Variants in LRRC8D observed in about 807,000 individuals in gnomAD.
The protein encoded by LRRC8D is volume-regulated anion channel subunit LRRC8D.
In LRRC8D, 20 loss-of-function variants were observed where a neutral mutation model predicts 55.8. The observed-to-expected ratio is 0.36, with a 90% CI of 0.25 to 0.52. LRRC8D has a LOEUF of 0.52. LRRC8D is among the 20% of genes least tolerant of loss of function. The pLI is 0.93. For missense variants in LRRC8D, 651 were observed against 1,030.8 expected (o/e 0.63, Z 5.05); for synonymous variants, 352 against 377.0 (o/e 0.93, Z 0.77).
At chr1:89,878,363 G>A (rs12096415) in intron 2 of LRRC8D, among the ~76,000 whole-genome samples, 22,500 of 152,184 alleles carry the variant, frequency 0.15, 1,888 homozygotes, top group Non-Finnish European at 0.2. Flanking sequence ...CTGTAAGATG[G>A]CATTGCCAAC....
chr1:89,881,370 C>A (rs1335735595), intron 2 of LRRC8D, among the ~76,000 whole-genome samples: 1 of 152,078 alleles, frequency 6.6e-6, no homozygotes, highest in Non-Finnish European at 1.5e-5. Flanking sequence ...AAATAGTCAT[C>A]TAAAAAACGA....
At chr1:89,889,862 A>G (rs1662519321) in intron 2 of LRRC8D, among the ~76,000 whole-genome samples, 1 of 150,428 alleles carries the variant, frequency 6.6e-6, no homozygotes, top group South Asian at 2.1e-4. Flanking sequence ...CAGCCTGGGT[A>G]ATAGAGTGAG....
rs74885122 is a variant in LRRC8D at position 89,880,204 on chromosome 1, T to G, written c.-3+36422T>G. Among the ~76,000 whole-genome samples, 385 of 150,372 alleles carry G rather than the reference T, an allele frequency of 2.6e-3. 1 individual carries two copies. The highest frequency in any genetic ancestry group is 9.0e-3 in the African/African-American group (366 of 40,766). On this transcript the variant is annotated intron_variant, in intron 2 of 2. Transcript: ENST00000337338. The stretch of plus-strand genomic sequence containing the variant: ...GGAATGTTGAGTAGTCTCGTGTAGC[T>G]GACTATAGAATTTGTGGGGACAGGG...
At chr1:89,855,487 C>A (rs1006230474) in intron 2 of LRRC8D, among the ~76,000 whole-genome samples, 3 of 152,180 alleles carry the variant, frequency 2.0e-5, no homozygotes, top group African/African-American at 7.2e-5. Context: ...AGCCTCTAAT[C>A]TTTCTTTATG....
intron 2 of LRRC8D, among the ~76,000 whole-genome samples, chr1:89,869,510 A>G (rs781686206): frequency 6.6e-6 from 1 of 152,200 alleles, no homozygotes; most frequent in Non-Finnish European, 1.5e-5. Context: ...GATGGGGAGA[A>G]TGGAACCAAG....
intron 1 of LRRC8D, among the ~76,000 whole-genome samples, chr1:89,830,810 G>C (rs963065530): frequency 1.3e-5 from 2 of 152,012 alleles, no homozygotes; most frequent in Non-Finnish European, 2.9e-5. Context: ...AAATAGCTTT[G>C]TGGGCTGGAA....
intron 2 of LRRC8D, among the ~76,000 whole-genome samples, chr1:89,921,918 A>G (rs553845759): frequency 6.6e-6 from 1 of 152,218 alleles, no homozygotes; most frequent in Admixed American, 6.5e-5. Context: ...GCTTATAACA[A>G]TCTCATGAAT....
intron 2 of LRRC8D, among the ~76,000 whole-genome samples, chr1:89,917,655 G>T (rs1663308875): frequency 6.6e-6 from 1 of 152,030 alleles, no homozygotes; most frequent in South Asian, 2.1e-4. Flanking sequence ...CCCTGATCTT[G>T]CCAGCTGGAG....
At chr1:89,827,080 G>C (rs1292427511) in intron 1 of LRRC8D, among the ~76,000 whole-genome samples, 1 of 152,168 alleles carries the variant, frequency 6.6e-6, no homozygotes, top group Non-Finnish European at 1.5e-5. Flanking sequence ...GCTGGGCATG[G>C]TGGCTCAGGC....
chr1:89,902,056 C>A (rs1037508727), intron 2 of LRRC8D, among the ~76,000 whole-genome samples: 9 of 152,364 alleles, frequency 5.9e-5, no homozygotes, highest in African/African-American at 1.9e-4. Flanking sequence ...GGGGGCTAGG[C>A]CCTGGGGCAG....
At chr1:89,932,819 G>A (rs1663746870) in intron 2 of LRRC8D, among the ~76,000 whole-genome samples, 1 of 152,136 alleles carries the variant, frequency 6.6e-6, no homozygotes, top group South Asian at 2.1e-4. Context: ...AACCACTATG[G>A]ACTTGGTGCA....
intron 2 of LRRC8D, among the ~76,000 whole-genome samples, chr1:89,872,188 C>T (rs1662025308): frequency 1.3e-5 from 2 of 152,312 alleles, no homozygotes; most frequent in South Asian, 2.1e-4. Context: ...CAGTAGCAAG[C>T]GTTGTGCAAA....
chr1:89,928,513 TG>T (rs1348743997), intron 2 of LRRC8D, among the ~76,000 whole-genome samples: 1 of 151,810 alleles, frequency 6.6e-6, no homozygotes, highest in Non-Finnish European at 1.5e-5. Flanking sequence ...AAACTTCTGG[TG>T]GGGGGTGGCA....
At chr1:89,926,452 A>G (rs1663567971) in intron 2 of LRRC8D, among the ~76,000 whole-genome samples, 1 of 152,214 alleles carries the variant, frequency 6.6e-6, no homozygotes. Flanking sequence ...GCTTTCTTGA[A>G]TTCCTAGTGA....
chr1:89,889,319 C>T (rs1662503164), intron 2 of LRRC8D, among the ~76,000 whole-genome samples: 1 of 152,110 alleles, frequency 6.6e-6, no homozygotes, highest in South Asian at 2.1e-4. Flanking sequence ...CTGAGGAACT[C>T]TCTCAACCAA....
intron 2 of LRRC8D, among the ~76,000 whole-genome samples, chr1:89,897,504 G>A (rs1481689565): frequency 6.6e-6 from 1 of 152,110 alleles, no homozygotes; most frequent in African/African-American, 2.4e-5. Context: ...TTTTGAATTG[G>A]TAAATATTCA....
intron 1 of LRRC8D, among the ~76,000 whole-genome samples, chr1:89,830,964 G>A (rs1181771429): frequency 1.4e-5 from 2 of 145,856 alleles, no homozygotes; most frequent in African/African-American, 5.2e-5. Flanking sequence ...GGAGTGCAGT[G>A]CTGTGATCTT....
intron 2 of LRRC8D, among the ~76,000 whole-genome samples, chr1:89,893,719 T>G (rs935157637): frequency 1.3e-5 from 2 of 152,236 alleles, no homozygotes; most frequent in Admixed American, 1.3e-4. Context: ...TAAAATGCCT[T>G]GAGACATGCA....
intron 1 of LRRC8D, among the ~76,000 whole-genome samples, chr1:89,835,766 C>T (rs1039250150): frequency 2.0e-5 from 3 of 152,228 alleles, no homozygotes; most frequent in African/African-American, 7.2e-5. Flanking sequence ...ATGCTTAGAA[C>T]AGTTCCTGGC....
Sources: gnomAD v4.1 joint callset for allele counts (sites outside exome capture counted in the v4.1 genomes callset) on GRCh38, gnomAD v4.1.1 for gene constraint, MANE v1.5 for transcripts, NCBI Gene and HGNC (gene_info 2026-07-23, HGNC 2026-07-21) for gene names.